ADGRG7: variants seen among roughly 807,000 people sequenced by gnomAD.
ADGRG7 encodes G-protein coupled receptor 128.
Under a neutral mutation model 88.6 loss-of-function variants are expected in ADGRG7, and 82 were observed. The observed-to-expected ratio is 0.93, with a 90% CI of 0.77 to 1.11. The LOEUF (loss-of-function observed/expected upper bound fraction) is 1.11. ADGRG7 is among the 50% of genes most tolerant of loss of function. ADGRG7 has a pLI of 0.00. For missense variants in ADGRG7, 945 were observed against 953.4 expected, an observed-to-expected ratio of 0.99 and a Z score of 0.12; for synonymous variants, 381 against 345.2, an observed-to-expected ratio of 1.10 and a Z score of -1.15.
intron 11 of ADGRG7, 149 bp from the exon 12 acceptor site, chr3:100,654,686 A>G: frequency 1.8e-6 from 1 of 564,176 alleles, no homozygotes; most frequent in Non-Finnish European, 3.1e-6. Flanking sequence ...GTAATCGAGA[A>G]GGTAGATTTA....
chr3:100,633,051 T>C (rs1707477640), intron 3 of ADGRG7, among the ~76,000 whole-genome samples: 1 of 152,140 alleles, frequency 6.6e-6, no homozygotes, highest in Non-Finnish European at 1.5e-5. Context: ...GAAAGGTAAA[T>C]CTTACTTGAA....
chr3:100,652,232 G>A lies in ADGRG7; in HGVS notation c.1379+2425G>A, dbSNP rs58522534. ...ATTGTCCAGAAATCTCAACTAAAAT[G>A]TCAAGCAGATGGACTGAGTTCTGTT... On this transcript the variant is annotated intron_variant, in intron 11 of 15. Transcript: ENST00000273352. Among the ~76,000 whole-genome samples the A allele has an allele frequency of 1.5e-4, 23 of 152,222 alleles. No individual in the cohort carries two copies. In the East Asian group the frequency reaches 4.5e-3, roughly 29 times the overall value.
Position 100,659,820 on chromosome 3 carries a change from G to A in ADGRG7, c.1956G>A (p.Trp652Ter). 2 of 1,613,832 alleles carry A rather than the reference G, an allele frequency of 1.2e-6. No homozygotes were observed. The highest frequency in any genetic ancestry group is 1.7e-6 in the Non-Finnish European group (2 of 1,179,896). ...MFITISIKVL[W>*]KNNQNLTSTK... is the part of the protein sequence containing the mutation. Reference sequence around the variant, plus strand: ...TTACAATCTCGATCAAAGTGCTGTGGAAGAATAACCAGAACCTGACAAGGT... The same window carrying A: ...TTACAATCTCGATCAAAGTGCTGTGAAAGAATAACCAGAACCTGACAAGGT... The change falls in exon 14 of 16, where the codon TGG (tryptophan) becomes TGA (stop). Residue 652 changes from tryptophan (W) to a stop codon, truncating the protein, a stop_gained. Transcript: ENST00000273352. LOFTEE classifies it high-confidence loss of function.
chr3:100,678,528 G>C (rs1047327000), intron 15 of ADGRG7, among the ~76,000 whole-genome samples: 2 of 152,158 alleles, frequency 1.3e-5, no homozygotes, highest in Non-Finnish European at 2.9e-5. Flanking sequence ...GCATTGAAGA[G>C]TTGGGTATTT....
At chr3:100,679,650 TG>T (rs1458152206) in intron 15 of ADGRG7, among the ~76,000 whole-genome samples, 1 of 152,238 alleles carries the variant, frequency 6.6e-6, no homozygotes, top group Non-Finnish European at 1.5e-5. Context: ...TGTACTTTCC[TG>T]AGCTGGATAT....
chr3:100,660,014 C>T (rs957829861), intron 14 of ADGRG7, among the ~76,000 whole-genome samples, 171 bp downstream of exon 14: 2 of 152,194 alleles, frequency 1.3e-5, no homozygotes. Flanking sequence ...TGGATCTTCT[C>T]GTCTTCTCAC....
At chr3:100,617,676 T>C (rs1288222948) in intron 1 of ADGRG7, among the ~76,000 whole-genome samples, 21 of 152,170 alleles carry the variant, frequency 1.4e-4, no homozygotes, top group Admixed American at 3.9e-4. Flanking sequence ...AATAAACATA[T>C]GTGTGCATGT....
At chr3:100,654,001 G>A (rs977841449) in intron 11 of ADGRG7, among the ~76,000 whole-genome samples, 1 of 152,096 alleles carries the variant, frequency 6.6e-6, no homozygotes, top group Non-Finnish European at 1.5e-5. Context: ...GGAAAAAAAA[G>A]GGAAACAGGG....
Position 100,630,717 on chromosome 3 carries a change from A to T in ADGRG7, c.242A>T (p.Glu81Val), listed in dbSNP as rs374423340. 4 of 1,406,176 alleles carry T rather than the reference A, an allele frequency of 2.8e-6. No individual in the cohort carries two copies. In the African/African-American group the frequency reaches 5.9e-5, roughly 21 times the overall value. The allele number at this position is 1,406,176 out of a possible 1,614,324, so 87.1% of individuals were successfully genotyped here. A position where few individuals can be genotyped will look rare whatever the true frequency, so the allele number is the denominator to read the frequency against. ...GLRCTIANFC[E>V]NSTYMGFTFA... ...CTCTTTATTACAGCTAATTTTTGTGAAAATAGTACCTATATGGGTTTTACT... is the reference window on the plus strand; with the variant it reads ...CTCTTTATTACAGCTAATTTTTGTGTAAATAGTACCTATATGGGTTTTACT... Residue 81 changes from glutamate (E) to valine (V), a missense_variant, in exon 3 of 16, where the codon GAA becomes GTA. Coordinates refer to ENST00000273352, the MANE Select transcript of ADGRG7 (RefSeq NM_032787.3).
chr3:100,664,112 A>C (rs1389203412), intron 14 of ADGRG7, among the ~76,000 whole-genome samples: 1 of 152,098 alleles, frequency 6.6e-6, no homozygotes, highest in Non-Finnish European at 1.5e-5. Flanking sequence ...AGTTGATTTT[A>C]TTATAAATTT....
intron 15 of ADGRG7, among the ~76,000 whole-genome samples, chr3:100,682,566 G>A (rs1053980591): frequency 1.3e-5 from 2 of 152,208 alleles, no homozygotes; most frequent in African/African-American, 4.8e-5. Flanking sequence ...CAGGCCCAGG[G>A]CCCACGATCT....
chr3:100,671,770 A>C (rs2094958939), intron 15 of ADGRG7, among the ~76,000 whole-genome samples: 1 of 152,212 alleles, frequency 6.6e-6, no homozygotes, highest in Non-Finnish European at 1.5e-5. Flanking sequence ...AGTTTTCTGC[A>C]TATGGCTAGC....
chr3:100,659,657 C>A (rs1406095442), intron 13 of ADGRG7, 31 bp from the exon 14 acceptor site: 2 of 1,607,526 alleles, frequency 1.2e-6, no homozygotes, highest in Non-Finnish European at 1.7e-6. Flanking sequence ...CTTTCTTAGT[C>A]TGCTGAAGCA....
chr3:100,620,426 T>C (rs1162574890), intron 1 of ADGRG7, among the ~76,000 whole-genome samples: 1 of 152,136 alleles, frequency 6.6e-6, no homozygotes, highest in Non-Finnish European at 1.5e-5. Context: ...ATAAGAGTTA[T>C]CTATGACAAA....
intron 1 of ADGRG7, among the ~76,000 whole-genome samples, chr3:100,613,065 T>G: frequency 6.6e-6 from 1 of 152,070 alleles, no homozygotes; most frequent in Non-Finnish European, 1.5e-5. Flanking sequence ...ATTTTGTGTA[T>G]TTTTAGTAGA....
chr3:100,635,834 T>A lies in ADGRG7; in HGVS notation c.597+8T>A. On this transcript the variant is annotated splice_region_variant and intron_variant, in intron 5 of 15. Transcript: ENST00000273352. Reference sequence around the variant, plus strand: ...AGAAATGCTTCACCTGAGGTAAAACTCACAGAGCTTTAAAAAAAATTTTTT... The same window carrying A: ...AGAAATGCTTCACCTGAGGTAAAACACACAGAGCTTTAAAAAAAATTTTTT... 6.3e-7 allele frequency: 1 copy of A among 1,594,920 alleles called. No homozygotes were observed. The highest frequency in any genetic ancestry group is 8.5e-7 in the Non-Finnish European group (1 of 1,174,378).
chr3:100,649,596 C>A (rs1451015205), intron 10 of ADGRG7, 99 bp from the exon 11 acceptor site: 1 of 612,094 alleles, frequency 1.6e-6, no homozygotes, highest in South Asian at 2.3e-5. Context: ...TATCTGGCAA[C>A]TGTCTGGTTA....
chr3:100,615,348 C>T (rs1309070155), intron 1 of ADGRG7, among the ~76,000 whole-genome samples: 1 of 152,158 alleles, frequency 6.6e-6, no homozygotes, highest in East Asian at 1.9e-4. Context: ...GATACCAGTA[C>T]TATTTTTGCT....
chr3:100,671,951 T>G (rs2149036161), intron 15 of ADGRG7, among the ~76,000 whole-genome samples: 1 of 152,338 alleles, frequency 6.6e-6, no homozygotes, highest in South Asian at 2.1e-4. Flanking sequence ...CTGTTTTGGT[T>G]ACTGTAGCCT....
Sources: gnomAD v4.1 joint callset for allele counts (sites outside exome capture counted in the v4.1 genomes callset) on GRCh38, gnomAD v4.1.1 for gene constraint, MANE v1.5 for transcripts, NCBI Gene and HGNC (gene_info 2026-07-23, HGNC 2026-07-21) for gene names.